EYA1: variants seen among roughly 807,000 people sequenced by gnomAD.
EYA1 encodes the protein protein phosphatase EYA1.
In EYA1, 16 loss-of-function variants were observed where a neutral mutation model predicts 82.0. The ratio of observed to expected loss-of-function variants is 0.20; its 90% CI spans 0.13 to 0.30. The LOEUF (loss-of-function observed/expected upper bound fraction) is 0.30. EYA1 is among the 10% of genes least tolerant of loss of function. The pLI, the probability that EYA1 is intolerant of heterozygous loss-of-function variation, is 1.00. For synonymous variants in EYA1, 261 were observed against 264.4 expected (o/e 0.99, Z 0.12); for missense variants, 633 against 730.7 (o/e 0.87, Z 1.54).
At position 71,216,962 on chromosome 8, in the gene EYA1, C is replaced by T. The variant is rs1809290404; in HGVS notation, c.1199+3G>A. ...TGGTCACTTCACATTCAAGGGTGCTCACCTTAGGTCCTGTCCGTTATCATC... is the reference window on the plus strand; with the variant it reads ...TGGTCACTTCACATTCAAGGGTGCTTACCTTAGGTCCTGTCCGTTATCATC... On this transcript the variant is annotated splice_donor_region_variant and intron_variant, in intron 13 of 17. Transcript: ENST00000340726. The T allele has an allele frequency of 1.2e-6, 2 of 1,613,246 alleles. No homozygotes were observed. Among genetic ancestry groups the T allele is most frequent in the Non-Finnish European group, 1.7e-6 (2 of 1,179,332 alleles).
At chr8:71,363,133 CT>C (rs1280499042), upstream of EYA1, among the ~76,000 whole-genome samples, 1 of 150,716 alleles carries the variant, frequency 6.6e-6, no homozygotes, top group Non-Finnish European at 1.5e-5. Flanking sequence ...CTGATTAGGT[CT>C]TTTATTTAAG....
intron 4 of EYA1, among the ~76,000 whole-genome samples, chr8:71,330,891 G>A (rs7822489): frequency 0.92 from 139,194 of 152,096 alleles, 63,822 homozygotes; most frequent in East Asian, 0.99. Flanking sequence ...ATACGCATAT[G>A]TACCTCACAT....
At chr8:71,463,900 C>T (rs561452472) in intron 2 of EYA1, among the ~76,000 whole-genome samples, 2 of 152,054 alleles carry the variant, frequency 1.3e-5, no homozygotes, top group Admixed American at 1.3e-4. Context: ...GCTTTCTCGC[C>T]TTCACATTTT....
chr8:71,238,004 A>G (rs1812050682), intron 12 of EYA1, among the ~76,000 whole-genome samples: 1 of 152,158 alleles, frequency 6.6e-6, no homozygotes, highest in Admixed American at 6.5e-5. Context: ...TCCTAGATGT[A>G]TAATTGGTAC....
chr8:71,463,622 TCTCTCTCTCTCC>T (rs1563640166), intron 2 of EYA1, among the ~76,000 whole-genome samples: 43 of 69,464 alleles, frequency 6.2e-4, no homozygotes, highest in South Asian at 1.5e-3. Context: ...TCTCTCTCTC[TCTCTCTCTCTCC>T]CTCCCTCCCC....
chr8:71,309,681 G>C (rs1254452652), intron 7 of EYA1, among the ~76,000 whole-genome samples: 2 of 152,088 alleles, frequency 1.3e-5, no homozygotes, highest in African/African-American at 4.8e-5. Flanking sequence ...AACTTAAATG[G>C]TTCAGGCGTA....
intron 4 of EYA1, among the ~76,000 whole-genome samples, chr8:71,326,122 C>A (rs1823114919): frequency 6.6e-6 from 1 of 152,130 alleles, no homozygotes; most frequent in Non-Finnish European, 1.5e-5. Flanking sequence ...CTCTGTCCAA[C>A]ATAGAAAGAA....
chr8:71,267,838 G>A (rs1816051040), intron 11 of EYA1, among the ~76,000 whole-genome samples: 1 of 152,132 alleles, frequency 6.6e-6, no homozygotes, highest in Non-Finnish European at 1.5e-5. Flanking sequence ...ATGAGCCACC[G>A]CGCCCGGCCG....
At chr8:71,282,215 T>C (rs1817887263) in intron 9 of EYA1, among the ~76,000 whole-genome samples, 2 of 152,172 alleles carry the variant, frequency 1.3e-5, no homozygotes. Flanking sequence ...CAGTGCCCTG[T>C]CACTGATTCC....
chr8:71,517,358 T>C (rs1012204584), intron 2 of EYA1, among the ~76,000 whole-genome samples: 1 of 152,078 alleles, frequency 6.6e-6, no homozygotes, highest in African/African-American at 2.4e-5. Context: ...TGAATTCTTC[T>C]TTTCCATGAA....
chr8:71,497,742 G>A (rs1217633379), intron 2 of EYA1, among the ~76,000 whole-genome samples: 1 of 152,068 alleles, frequency 6.6e-6, no homozygotes, highest in East Asian at 1.9e-4. Flanking sequence ...AAATCAGTAT[G>A]TCAAAGAGAT....
rs773732550 is a variant in EYA1 at position 71,244,596 on chromosome 8, A to G, written c.1140+7T>C. On this transcript the variant is annotated splice_region_variant and intron_variant, in intron 12 of 17. Transcript: ENST00000340726. ...TGCAAAAATATGTATTAAAAATTAG[A>G]ACTTACTTCTAAGTCATTAAAAAAT... is the stretch of plus-strand genomic sequence containing the variant. 6.8e-7 allele frequency: 1 copy of G among 1,468,056 alleles called. No individual in the cohort carries two copies. Among genetic ancestry groups the G allele is most frequent in the South Asian group, 1.2e-5 (1 of 85,860 alleles). The allele number at this position is 1,468,056 out of a possible 1,614,324, so 90.9% of individuals were successfully genotyped here.
intron 17 of EYA1, among the ~76,000 whole-genome samples, chr8:71,201,431 ACTCTCT>A (rs151033006): frequency 6.7e-6 from 1 of 149,338 alleles, no homozygotes; most frequent in Non-Finnish European, 1.5e-5. Flanking sequence ...GTTCAAACTA[ACTCTCT>A]CTCTCTCTGC....
At chr8:71,354,699 T>A (rs1441206082) in intron 3 of EYA1, 83 bp downstream of exon 3, 2 of 1,385,982 alleles carry the variant, frequency 1.4e-6, no homozygotes, top group Non-Finnish European at 2.0e-6. Flanking sequence ...TTTTGACAAC[T>A]GAAATCATAA....
intron 12 of EYA1, among the ~76,000 whole-genome samples, chr8:71,230,141 T>C (rs1296306533): frequency 6.6e-6 from 1 of 152,060 alleles, no homozygotes; most frequent in Non-Finnish European, 1.5e-5. Flanking sequence ...GTTACAGGCA[T>C]ACAGGCCTTC....
intron 3 of EYA1, among the ~76,000 whole-genome samples, chr8:71,350,037 C>G (rs972755587): frequency 3.9e-5 from 6 of 152,146 alleles, no homozygotes. Flanking sequence ...GAGGCCAATT[C>G]TGTGGTTACA....
intron 2 of EYA1, among the ~76,000 whole-genome samples, chr8:71,379,116 AAACT>A (rs1425716073): frequency 1.3e-5 from 2 of 152,104 alleles, no homozygotes; most frequent in Non-Finnish European, 2.9e-5. Flanking sequence ...GAAACCTGAC[AAACT>A]AAGTGGAGGC....
At chr8:71,544,369 T>G (rs1815385296) in intron 1 of EYA1, among the ~76,000 whole-genome samples, 1 of 152,252 alleles carries the variant, frequency 6.6e-6, no homozygotes, top group Non-Finnish European at 1.5e-5. Context: ...AATCTGCTTC[T>G]GCATGAATAC....
At chr8:71,545,607 G>T (rs1458124699) in intron 1 of EYA1, among the ~76,000 whole-genome samples, 1 of 140,242 alleles carries the variant, frequency 7.1e-6, no homozygotes, top group Non-Finnish European at 1.5e-5. Context: ...TGTCGCCCAG[G>T]CTGGAGTGCA....
Sources: allele counts gnomAD v4.1 joint callset (sites outside exome capture counted in the v4.1 genomes callset), GRCh38; gene constraint gnomAD v4.1.1; transcripts MANE v1.5; gene names NCBI Gene and HGNC (gene_info 2026-07-23, HGNC 2026-07-21).